GFPT2: variants seen among roughly 807,000 people sequenced by gnomAD.
GFPT2 encodes glutamine--fructose-6-phosphate aminotransferase [isomerizing] 2.
A neutral mutation model predicts 85.6 loss-of-function variants in GFPT2; 62 were observed. The observed-to-expected ratio is 0.72, with a 90% CI of 0.59 to 0.90. The LOEUF is 0.90. Among genes scored for constraint, GFPT2 ranks in the 40% least tolerant of loss-of-function variants. GFPT2 has a pLI of 0.00. For missense variants in GFPT2, 788 were observed against 893.4 expected, an observed-to-expected ratio of 0.88 and a Z score of 1.50; for synonymous variants, 368 against 344.5, an observed-to-expected ratio of 1.07 and a Z score of -0.75.
chr5:180,312,599 T>A, intron 14 of GFPT2, 55 bp from the exon 15 acceptor site: 1 of 955,890 alleles, frequency 1.0e-6, no homozygotes, highest in East Asian at 2.4e-5. Context: ...TAAATCAACT[T>A]TTATTTTTGA....
chr5:180,327,842 CG>C (rs886315257), intron 7 of GFPT2, among the ~76,000 whole-genome samples: 11 of 152,254 alleles, frequency 7.2e-5, no homozygotes, highest in African/African-American at 2.6e-4. Flanking sequence ...GCTTGAGCCC[CG>C]GGCCTTCAAG....
rs554032520 is a variant in GFPT2 at position 180,331,121 on chromosome 5, C to T, written c.400-287G>A. Among the ~76,000 whole-genome samples the T allele has an allele frequency of 6.2e-4, 94 of 152,358 alleles. 1 individual carries two copies. The highest frequency in any genetic ancestry group is 2.2e-3 in the African/African-American group (93 of 41,590). On this transcript the variant is annotated intron_variant, in intron 5 of 18. Transcript: ENST00000253778. Reference sequence around the variant, plus strand: ...AAATACGTTGAGTCAAACCCACCCACATCCCAACTAACACCACAGAGCCTT... The same window carrying T: ...AAATACGTTGAGTCAAACCCACCCATATCCCAACTAACACCACAGAGCCTT...
At chr5:180,333,077 C>G (rs1285405149) in intron 4 of GFPT2, among the ~76,000 whole-genome samples, 1 of 152,108 alleles carries the variant, frequency 6.6e-6, no homozygotes, top group African/African-American at 2.4e-5. Flanking sequence ...CACAGCTCAG[C>G]TTTATTTTTT....
intron 8 of GFPT2, 102 bp downstream of exon 8, chr5:180,324,714 T>C: frequency 1.3e-6 from 1 of 794,226 alleles, no homozygotes; most frequent in Non-Finnish European, 2.3e-6. Context: ...TGGCTCAGAG[T>C]GGGGTTTCCT....
intron 3 of GFPT2, 76 bp from the exon 4 acceptor site, chr5:180,336,029 C>A: frequency 7.0e-7 from 1 of 1,426,392 alleles, no homozygotes; most frequent in South Asian, 1.5e-5. Context: ...AACCTGGTGT[C>A]GTTACCCAAG....
chr5:180,311,807 G>A (rs1763890785), intron 15 of GFPT2, among the ~76,000 whole-genome samples: 1 of 152,166 alleles, frequency 6.6e-6, no homozygotes, highest in Non-Finnish European at 1.5e-5. Flanking sequence ...AGCATGGCCA[G>A]GGAGGGTCTC....
chr5:180,317,556 G>C (rs973029984), intron 10 of GFPT2, among the ~76,000 whole-genome samples: 1 of 145,246 alleles, frequency 6.9e-6, no homozygotes, highest in Non-Finnish European at 1.5e-5. Flanking sequence ...TCAGGAGATC[G>C]AGACCATCCC....
rs1224979750 is a variant in GFPT2 at position 180,301,727 on chromosome 5, C to A, written c.2005-119G>T. The A allele has an allele frequency of 3.7e-6, 3 of 815,292 alleles. No individual in the cohort carries two copies. The African/African-American group carries it at 5.0e-5, about 14-fold the overall frequency. The allele number at this position is 815,292 out of a possible 1,614,324, so 50.5% of individuals were successfully genotyped here. On this transcript the variant is annotated intron_variant, in intron 18 of 18. Coordinates refer to ENST00000253778, the MANE Select transcript of GFPT2 (RefSeq NM_005110.4). ...ACAGATGTTCACCATGGTCACCAAC[C>A]TAGAGACCTGCGTCTTGGAGGCAGA...
At chr5:180,337,939 G>T (rs896083635) in intron 2 of GFPT2, among the ~76,000 whole-genome samples, 2 of 152,018 alleles carry the variant, frequency 1.3e-5, no homozygotes, top group Non-Finnish European at 2.9e-5. Context: ...TTGGGGCTAC[G>T]CCGGGCAGCA....
chr5:180,303,056 T>C (rs6873614), intron 17 of GFPT2, among the ~76,000 whole-genome samples: 11,753 of 125,368 alleles, frequency 0.094, 814 homozygotes, highest in Non-Finnish European at 0.13. Flanking sequence ...GGTGAAACCC[T>C]GTCTCTACTA....
At chr5:180,302,374 T>G (rs1438378881) in intron 18 of GFPT2, 49 bp downstream of exon 18, 3 of 1,425,256 alleles carry the variant, frequency 2.1e-6, no homozygotes, top group Non-Finnish European at 2.9e-6. Context: ...AAAGGAACTC[T>G]GGGGTTATGT....
intron 16 of GFPT2, among the ~76,000 whole-genome samples, chr5:180,305,465 T>C (rs1251053824): frequency 6.6e-6 from 1 of 152,206 alleles, no homozygotes; most frequent in African/African-American, 2.4e-5. Flanking sequence ...TCTATTCAGT[T>C]ACCACAAATC....
In GFPT2 at chr5:180,330,842, A is replaced by G. The variant is rs771014401; in HGVS notation, c.400-8T>C. On this transcript the variant is annotated splice_region_variant and splice_polypyrimidine_tract_variant and intron_variant, in intron 5 of 18. Coordinates refer to ENST00000253778, the MANE Select transcript of GFPT2 (RefSeq NM_005110.4). This position sits in a 1 kb window ranked among gnomAD's most constrained non-coding sequence, Gnocchi z 4.4. ...CTCGTAGCCTTTGCTTTCCTGGAAT[A>G]TGCAGTCGGCACAGTGTGAGAGATT... 1 of 1,613,728 alleles carries G rather than the reference A, an allele frequency of 6.2e-7. No individual in the cohort carries two copies. Among genetic ancestry groups the G allele is most frequent in the South Asian group, 1.1e-5 (1 of 91,044 alleles).
At chr5:180,349,692 T>C (rs141690869) in intron 1 of GFPT2, among the ~76,000 whole-genome samples, 1 of 152,148 alleles carries the variant, frequency 6.6e-6, no homozygotes, top group Non-Finnish European at 1.5e-5. Flanking sequence ...AAACCGATTC[T>C]GGACTTGTGG....
intron 1 of GFPT2, among the ~76,000 whole-genome samples, chr5:180,346,690 T>C (rs1051477046): frequency 5.3e-5 from 8 of 152,218 alleles, no homozygotes; most frequent in African/African-American, 1.7e-4. Context: ...CCCAGGCCTA[T>C]GCACATGTGA....
chr5:180,341,862 A>C (rs1037951553), intron 1 of GFPT2, among the ~76,000 whole-genome samples: 1 of 152,130 alleles, frequency 6.6e-6, no homozygotes, highest in African/African-American at 2.4e-5. Context: ...CAGCCCCCAA[A>C]CATCTGGGCA....
chr5:180,305,974 T>TG (rs926492345), intron 16 of GFPT2, among the ~76,000 whole-genome samples: 2 of 143,428 alleles, frequency 1.4e-5, no homozygotes, highest in African/African-American at 5.1e-5. Flanking sequence ...CTTTTTTTTT[T>TG]CTTTCTTTCT....
intron 2 of GFPT2, among the ~76,000 whole-genome samples, chr5:180,337,333 G>A (rs1249145222): frequency 6.6e-6 from 1 of 151,874 alleles, no homozygotes; most frequent in Non-Finnish European, 1.5e-5. Context: ...GGCGCCTGTA[G>A]TCCCAGCTAC....
Position 180,330,946 on chromosome 5 carries a change from A to C in GFPT2, c.400-112T>G, listed in dbSNP as rs1764289724. On this transcript the variant is annotated intron_variant, in intron 5 of 18. Coordinates refer to ENST00000253778, the MANE Select transcript of GFPT2 (RefSeq NM_005110.4). This position sits in a 1 kb window ranked among gnomAD's most constrained non-coding sequence, Gnocchi z 4.4. ...CCTTGGAGTGACTTAAGTCAAGAACAGGGAAAACCGGGAAGGGGGGAAAAA... is the reference window on the plus strand; with the variant it reads ...CCTTGGAGTGACTTAAGTCAAGAACCGGGAAAACCGGGAAGGGGGGAAAAA... 2.0e-6 allele frequency: 2 copies of C among 977,856 alleles called. No individual in the cohort carries two copies. The highest frequency in any genetic ancestry group is 3.3e-5 in the South Asian group (2 of 60,676). 60.6% of individuals were successfully genotyped at this position (977,856 alleles called of 1,614,324 possible).
Sources: gnomAD v4.1 joint callset for allele counts (sites outside exome capture counted in the v4.1 genomes callset) on GRCh38, gnomAD v4.1.1 for gene constraint, Gnocchi (gnomAD v3.1) non-coding constraint, MANE v1.5 for transcripts, NCBI Gene and HGNC (gene_info 2026-07-23, HGNC 2026-07-21) for gene names.